The following ORC2 variants were observed in gnomAD, a reference collection of about 807,000 sequenced individuals.
The protein encoded by ORC2 is origin recognition complex subunit 2, also known as origin recognition complex protein 2 homolog.
ORC2 carries 37 observed loss-of-function variants against 77.7 expected under a neutral mutation model. The ratio of observed to expected loss-of-function variants is 0.48; its 90% CI spans 0.37 to 0.63. The LOEUF is 0.63. Among genes scored for constraint, ORC2 ranks in the 20% least tolerant of loss-of-function variants. The pLI is 0.00. For missense variants in ORC2, 557 were observed against 661.9 expected (o/e 0.84, Z 1.74); for synonymous variants, 201 against 229.5 (o/e 0.88, Z 1.12).
At chr2:200,912,704 G>A (rs778791453) in intron 17 of ORC2, among the ~76,000 whole-genome samples, 5 of 152,104 alleles carry the variant, frequency 3.3e-5, no homozygotes, top group African/African-American at 4.8e-5. Flanking sequence ...ACAGGCGTGA[G>A]CCACCACGCC....
chr2:200,915,743 GAGTGC>G (rs1047736525), intron 15 of ORC2, among the ~76,000 whole-genome samples: 7 of 151,984 alleles, frequency 4.6e-5, no homozygotes, highest in African/African-American at 1.7e-4. Context: ...GCCCAGGTTG[GAGTGC>G]AGTGGTGCGA....
intron 8 of ORC2, among the ~76,000 whole-genome samples, chr2:200,936,666 C>T (rs914886304): frequency 1.3e-5 from 2 of 152,132 alleles, no homozygotes; most frequent in Non-Finnish European, 2.9e-5. Flanking sequence ...GTCATACTAA[C>T]TAATATAGCA....
chr2:200,943,425 T>C (rs535143019), intron 5 of ORC2, among the ~76,000 whole-genome samples: 58 of 152,148 alleles, frequency 3.8e-4, no homozygotes, highest in African/African-American at 1.3e-3. Flanking sequence ...ATAGAGGCCA[T>C]TTTAAATAAA....
At chr2:200,956,493 TA>T (rs1378851596) in intron 4 of ORC2, among the ~76,000 whole-genome samples, 2 of 151,778 alleles carry the variant, frequency 1.3e-5, no homozygotes, top group Admixed American at 6.6e-5. Flanking sequence ...TCCAGCTAAT[TA>T]AAAACTTTTT....
chr2:200,933,925 A>G lies in ORC2; in HGVS notation c.758T>C (p.Leu253Ser), dbSNP rs542775161. 1.2e-6 allele frequency: 2 copies of G among 1,611,570 alleles called. No homozygotes were observed. Among genetic ancestry groups the G allele is most frequent in the South Asian group, 2.2e-5 (2 of 90,826 alleles). Residue 253 changes from leucine to serine, a missense_variant, in exon 10 of 18, where the codon TTA becomes TCA. Transcript: ENST00000234296. ...CTTCTGCAGTGTTCTATCAGAGGTT[A>G]AAACTTTTGAACTGCTGTGAGCTTC... Reference protein sequence around the residue: ...YFEAHSSSKVLTSDRTLQKLK... With the variant: ...YFEAHSSSKVSTSDRTLQKLK...
intron 13 of ORC2, 78 bp from the exon 14 acceptor site, chr2:200,921,217 T>A: frequency 1.1e-6 from 1 of 915,706 alleles, no homozygotes; most frequent in Non-Finnish European, 1.6e-6. Flanking sequence ...TAGAGTGCAG[T>A]GGTACAATCA....
chr2:200,931,264 TTAAC>T (rs2040933345), intron 11 of ORC2, 71 bp downstream of exon 11: 1 of 614,032 alleles, frequency 1.6e-6, no homozygotes, highest in Non-Finnish European at 2.7e-6. Flanking sequence ...AAGAAAAATG[TTAAC>T]TTACTTTAAC....
intron 5 of ORC2, among the ~76,000 whole-genome samples, chr2:200,948,163 T>G (rs1346329477): frequency 6.6e-6 from 1 of 152,044 alleles, no homozygotes; most frequent in Non-Finnish European, 1.5e-5. Context: ...TCCACCTGCC[T>G]CGGCCTCCCA....
chr2:200,940,797 G>A (rs1334240990), intron 7 of ORC2, among the ~76,000 whole-genome samples: 7 of 151,572 alleles, frequency 4.6e-5, no homozygotes, highest in Non-Finnish European at 7.4e-5. Flanking sequence ...GTAAGACTCC[G>A]TCTCAAAAAC....
At chr2:200,912,017 A>G (rs1290048234) in intron 17 of ORC2, among the ~76,000 whole-genome samples, 1 of 152,028 alleles carries the variant, frequency 6.6e-6, no homozygotes, top group East Asian at 1.9e-4. Flanking sequence ...ACTGCTGACT[A>G]TTTTCTCTGC....
intron 4 of ORC2, 102 bp downstream of exon 4, chr2:200,957,299 T>C (rs1575187520): frequency 2.0e-5 from 15 of 760,936 alleles, no homozygotes; most frequent in African/African-American, 3.6e-5. Flanking sequence ...AACATGATCA[T>C]ATAGAACACC....
At chr2:200,956,948 T>A (rs2041477358) in intron 4 of ORC2, among the ~76,000 whole-genome samples, 1 of 151,678 alleles carries the variant, frequency 6.6e-6, no homozygotes, top group African/African-American at 2.4e-5. Context: ...CACTCATAGG[T>A]GGGAGTTGAA....
In ORC2 at chr2:200,920,410, G is replaced by T; in HGVS notation, c.1295-17C>A. 1.4e-6 allele frequency: 2 copies of T among 1,476,176 alleles called. No homozygotes were observed. The highest frequency in any genetic ancestry group is 1.8e-6 in the Non-Finnish European group (2 of 1,105,118). The allele number at this position is 1,476,176 out of a possible 1,614,324, so 91.4% of individuals were successfully genotyped here. On this transcript the variant is annotated splice_polypyrimidine_tract_variant and intron_variant, in intron 14 of 17. Coordinates refer to ENST00000234296, the MANE Select transcript of ORC2 (RefSeq NM_006190.5). ...GATCCCACACTAGCACATGATCAAA[G>T]AAAACAAGAATTACAAATTATTTTT...
At chr2:200,921,978 T>A (rs2040769673) in intron 13 of ORC2, among the ~76,000 whole-genome samples, 1 of 151,828 alleles carries the variant, frequency 6.6e-6, no homozygotes, top group Admixed American at 6.6e-5. Context: ...ATAGGCAAGA[T>A]GTATACAATA....
rs1002597513 is a variant in ORC2, at chr2:200,910,411, T to G, written c.*890A>C. 2 of 152,194 alleles carry G rather than the reference T, an allele frequency of 1.3e-5. No homozygotes were observed. The highest frequency in any genetic ancestry group is 4.8e-5 in the African/African-American group (2 of 41,448). 9.4% of individuals were successfully genotyped at this position (152,194 alleles called of 1,614,324 possible). The stretch of plus-strand genomic sequence containing the variant: ...GTCTACTTGACAGAGGAATCAAAAT[T>G]AATTTACAGCCAGCCATTAATATGC... On this transcript the variant is annotated 3_prime_UTR_variant, in exon 18 of 18. Transcript: ENST00000234296.
intron 4 of ORC2, among the ~76,000 whole-genome samples, chr2:200,950,223 C>T (rs373902644): frequency 7.2e-5 from 11 of 152,008 alleles, no homozygotes; most frequent in Admixed American, 2.0e-4. Context: ...TCCAGCTACT[C>T]AGGAGGCTGA....
chr2:200,958,234 TAA>T, intron 2 of ORC2, 101 bp from the exon 3 acceptor site: 2 of 663,946 alleles, frequency 3.0e-6, no homozygotes, highest in South Asian at 3.8e-5. Flanking sequence ...CTAATATTTT[TAA>T]AGTCTTTTTA....
At chr2:200,940,678 T>G (rs1475826941) in intron 7 of ORC2, among the ~76,000 whole-genome samples, 1 of 152,128 alleles carries the variant, frequency 6.6e-6, no homozygotes, top group Non-Finnish European at 1.5e-5. Context: ...GGTGCACACC[T>G]GTAATCCCAG....
intron 15 of ORC2, among the ~76,000 whole-genome samples, chr2:200,914,604 C>T (rs975884831): frequency 1.3e-5 from 2 of 152,116 alleles, no homozygotes; most frequent in Non-Finnish European, 1.5e-5. Flanking sequence ...TATAGTGAGA[C>T]TCTGTCTCTA....
Sources: allele counts gnomAD v4.1 joint callset (sites outside exome capture counted in the v4.1 genomes callset), GRCh38; gene constraint gnomAD v4.1.1; transcripts MANE v1.5; gene names NCBI Gene and HGNC (gene_info 2026-07-23, HGNC 2026-07-21).